Variants in DIAPH2 observed in about 807,000 individuals in gnomAD.
DIAPH2 encodes diaphanous related formin 2.
DIAPH2 carries 35 observed loss-of-function variants against 92.7 expected under a neutral mutation model. The observed-to-expected ratio is 0.38, with a 90% CI of 0.29 to 0.50. The LOEUF (loss-of-function observed/expected upper bound fraction) is 0.50. Among genes scored for constraint, DIAPH2 ranks in the 20% least tolerant of loss-of-function variants. The pLI, the probability that DIAPH2 is intolerant of heterozygous loss-of-function variation, is 0.94. For missense variants in DIAPH2, 701 were observed against 819.5 expected (o/e 0.86, Z 1.77); for synonymous variants, 301 against 280.4 (o/e 1.07, Z -0.73).
chrX:97,289,349 A>G (rs967078147), intron 23 of DIAPH2, among the ~76,000 whole-genome samples: 6 of 111,975 alleles, frequency 5.4e-5, no homozygotes, highest in Admixed American at 4.8e-4. Context: ...AATCTTTTCT[A>G]TTAGATTTGC....
chrX:96,932,914 C>A (rs916314489), intron 10 of DIAPH2, among the ~76,000 whole-genome samples: 6 of 111,092 alleles, frequency 5.4e-5, no homozygotes, highest in Non-Finnish European at 7.6e-5. Context: ...TTAACCATAC[C>A]CTATTTTCCC....
chrX:97,473,734 G>A (rs1400723229), intron 26 of DIAPH2, among the ~76,000 whole-genome samples: 1 of 112,184 alleles, frequency 8.9e-6, no homozygotes, highest in East Asian at 2.8e-4. Context: ...GCCGAGGTAG[G>A]TGGATCACTT....
intron 1 of DIAPH2, among the ~76,000 whole-genome samples, chrX:96,692,283 T>A (rs1341237434): frequency 8.9e-6 from 1 of 111,792 alleles, no homozygotes; most frequent in Non-Finnish European, 1.9e-5. Flanking sequence ...AAATCTCAGA[T>A]ATCTTGTCAT....
chrX:96,697,791 T>G (rs2063833340), intron 1 of DIAPH2, among the ~76,000 whole-genome samples: 1 of 111,188 alleles, frequency 9.0e-6, no homozygotes, highest in African/African-American at 3.3e-5. Flanking sequence ...AGACTGGTGA[T>G]GGTGGGACCT....
intron 5 of DIAPH2, among the ~76,000 whole-genome samples, chrX:96,895,940 C>CTTTA (rs1164834006): frequency 1.8e-5 from 2 of 111,759 alleles, no homozygotes; most frequent in Non-Finnish European, 3.8e-5. Flanking sequence ...AGGCGAGTGG[C>CTTTA]TTTATTTTTT....
intron 26 of DIAPH2, among the ~76,000 whole-genome samples, chrX:97,557,493 C>T (rs1475761106): frequency 4.5e-5 from 5 of 111,713 alleles, no homozygotes; most frequent in African/African-American, 9.8e-5. Flanking sequence ...GAGCAGAGAT[C>T]GTGCCACTGC....
intron 26 of DIAPH2, among the ~76,000 whole-genome samples, chrX:97,510,292 C>T (rs2070877017): frequency 9.0e-6 from 1 of 111,675 alleles, no homozygotes. Context: ...TGTCTTTTGG[C>T]TGCATAAATG....
At chrX:96,817,215 C>G (rs2064742904) in intron 4 of DIAPH2, among the ~76,000 whole-genome samples, 1 of 111,853 alleles carries the variant, frequency 8.9e-6, no homozygotes, top group Non-Finnish European at 1.9e-5. Context: ...ACTAAACTAA[C>G]TAAACGTGTA....
At position 97,414,078 on chromosome X, in the gene DIAPH2, A is replaced by G. The variant is rs758022101; in HGVS notation, c.3146-15572A>G. 2.7e-5 allele frequency among the ~76,000 whole-genome samples: 3 copies of G among 112,040 alleles called. No individual in the cohort carries two copies. The East Asian group carries it at 8.4e-4, about 31-fold the overall frequency. On this transcript the variant is annotated intron_variant, in intron 25 of 26. Transcript: ENST00000324765. ...TTTACAGTTCACATGGAACCAAAAA[A>G]AGAGCCCGCATTGTCAAGACAATCC...
chrX:97,069,867 T>C (rs189659489), intron 17 of DIAPH2, among the ~76,000 whole-genome samples: 14 of 112,015 alleles, frequency 1.2e-4, no homozygotes, highest in Admixed American at 9.5e-5. Context: ...TTCCTGAACA[T>C]TGCCTATATT....
chrX:97,009,655 C>G (rs1468585798), intron 17 of DIAPH2, among the ~76,000 whole-genome samples: 1 of 112,089 alleles, frequency 8.9e-6, no homozygotes, highest in Non-Finnish European at 1.9e-5. Context: ...GTGATGAATC[C>G]TGCCAGGAGT....
chrX:97,042,099 T>C (rs1602740874), intron 17 of DIAPH2, among the ~76,000 whole-genome samples: 1 of 111,871 alleles, frequency 8.9e-6, no homozygotes, highest in African/African-American at 3.2e-5. Context: ...AATACTTTTT[T>C]AACATGGATG....
At chrX:96,864,891 A>T (rs774227978) in intron 4 of DIAPH2, among the ~76,000 whole-genome samples, 1 of 112,047 alleles carries the variant, frequency 8.9e-6, no homozygotes, top group African/African-American at 3.2e-5. Flanking sequence ...AACTTTCCCA[A>T]TCTGTAAAAC....
chrX:97,102,260 C>A (rs925332006), intron 20 of DIAPH2, among the ~76,000 whole-genome samples: 3 of 111,612 alleles, frequency 2.7e-5, no homozygotes, highest in African/African-American at 9.8e-5. Flanking sequence ...TGCGTCCTTT[C>A]ATTTTTCCAT....
intron 17 of DIAPH2, among the ~76,000 whole-genome samples, chrX:97,059,292 A>G (rs73551269): frequency 0.021 from 2,311 of 111,820 alleles, 55 homozygotes; most frequent in African/African-American, 0.071. Context: ...GATGCTACCT[A>G]GAAGTAACTA....
chrX:96,720,817 T>C (rs943295922), intron 1 of DIAPH2, among the ~76,000 whole-genome samples: 3 of 112,006 alleles, frequency 2.7e-5, no homozygotes, highest in Non-Finnish European at 5.6e-5. Context: ...TCTGAAGTAA[T>C]CCTTTCTGAT....
intron 17 of DIAPH2, among the ~76,000 whole-genome samples, chrX:97,007,848 C>T (rs760123474): frequency 1.5e-4 from 15 of 101,265 alleles, no homozygotes; most frequent in Non-Finnish European, 2.6e-4. Context: ...CTGCAAGCTC[C>T]GCCTCCCAGG....
chrX:96,961,921 A>G (rs1044241781), intron 16 of DIAPH2, among the ~76,000 whole-genome samples: 1 of 109,278 alleles, frequency 9.2e-6, no homozygotes, highest in Non-Finnish European at 1.9e-5. Context: ...ATTTGTTGAG[A>G]CTTGGTTTTT....
intron 26 of DIAPH2, among the ~76,000 whole-genome samples, chrX:97,543,545 C>G (rs1057243213): frequency 9.1e-6 from 1 of 109,786 alleles, no homozygotes; most frequent in African/African-American, 3.3e-5. Flanking sequence ...CTCTGTCGAC[C>G]CTGGGCTGGA....
Sources: gnomAD v4.1 joint callset for allele counts (sites outside exome capture counted in the v4.1 genomes callset) on GRCh38, gnomAD v4.1.1 for gene constraint, MANE v1.5 for transcripts, NCBI Gene and HGNC (gene_info 2026-07-23, HGNC 2026-07-21) for gene names.